The following CLU variants were observed in gnomAD, a reference collection of about 807,000 sequenced individuals.
CLU encodes clusterin, also known as aging-associated protein 4.
CLU carries 25 observed loss-of-function variants against 46.4 expected under a neutral mutation model. The ratio of observed to expected loss-of-function variants is 0.54; its 90% CI spans 0.39 to 0.75. CLU has a LOEUF of 0.75. Among genes scored for constraint, CLU ranks in the 30% least tolerant of loss-of-function variants. The pLI, the probability that CLU is intolerant of heterozygous loss-of-function variation, is 0.00. For synonymous variants in CLU, 235 were observed against 235.1 expected, an observed-to-expected ratio of 1.00 and a Z score of 0.00; for missense variants, 504 against 592.1, an observed-to-expected ratio of 0.85 and a Z score of 1.54.
chr8:27,606,155 G>A (rs1800818310), intron 4 of CLU, among the ~76,000 whole-genome samples, 199 bp downstream of exon 4: 1 of 152,234 alleles, frequency 6.6e-6, no homozygotes, highest in Admixed American at 6.5e-5. Context: ...TTTTCTAAGA[G>A]AAGGCAGATA....
chr8:27,606,473 CTG>C lies in CLU; in HGVS notation c.296_297del (p.Pro99ArgfsTer5). On this transcript the variant is annotated frameshift_variant, in exon 4 of 9. Coordinates refer to ENST00000316403, the MANE Select transcript of CLU (RefSeq NM_001831.4). LOFTEE classifies it high-confidence loss of function. ...GCCATCATGGTCTCATTGCACACTC[CTG>C]GGAGCTCCTTCAGCTTTGTCTCTGA... ...RESETKLKEL[P>X]GVCNETMMAL... 1 of 1,614,252 alleles carries C rather than the reference CTG, an allele frequency of 6.2e-7. No individual in the cohort carries two copies. Among genetic ancestry groups the C allele is most frequent in the Non-Finnish European group, 8.5e-7 (1 of 1,180,048 alleles).
In CLU at chr8:27,606,353, C is replaced by T; in HGVS notation, c.417+1G>A. On this transcript the variant is annotated splice_donor_variant, in intron 4 of 8. Coordinates refer to ENST00000316403, the MANE Select transcript of CLU (RefSeq NM_001831.4). LOFTEE classifies it high-confidence loss of function. Reference sequence around the variant, plus strand: ...TGGCCACTCATGTGTCCCCTTTTCACCTGGCGGCCAACCAGGCCTGAGCCA... The same window carrying T: ...TGGCCACTCATGTGTCCCCTTTTCATCTGGCGGCCAACCAGGCCTGAGCCA... The T allele has an allele frequency of 6.2e-7, 1 of 1,614,012 alleles. No homozygotes were observed. The highest frequency in any genetic ancestry group is 8.5e-7 in the Non-Finnish European group (1 of 1,180,036).
rs1800789879 is a variant in CLU at position 27,604,969 on chromosome 8, A to C, written c.784T>G (p.Phe262Val). The C allele has an allele frequency of 6.2e-7, 1 of 1,614,096 alleles. No individual in the cohort carries two copies. The highest frequency in any genetic ancestry group is 1.1e-5 in the South Asian group (1 of 91,072). ...GGGTGCTGGAAGGCCGGGCTATGGA[A>C]GTGGATGTCCATGGCCTGCTGAGCC... ...HEAQQAMDIHFHSPAFQHPPT... is the reference protein window; with the variant it reads ...HEAQQAMDIHVHSPAFQHPPT... The change falls in exon 5 of 9, where the codon TTC (phenylalanine) becomes GTC (valine). Residue 262 changes from phenylalanine (F) to valine (V), a missense_variant. By Grantham distance (50) the Phe-to-Val change is conservative. This residue lies in a region of CLU where 428 missense variants were observed against 484.0 expected (regional missense o/e 0.88). Coordinates refer to ENST00000316403, the MANE Select transcript of CLU (RefSeq NM_001831.4).
rs1563385774 is a variant in CLU at position 27,604,380 on chromosome 8, C to CGGT, written c.842_844dup (p.Asp281_Arg282insHis). The CGGT allele has an allele frequency of 6.2e-7, 1 of 1,614,170 alleles. No individual in the cohort carries two copies. Among genetic ancestry groups the CGGT allele is most frequent in the South Asian group, 1.1e-5 (1 of 91,086 alleles). On this transcript the variant is annotated inframe_insertion, in exon 6 of 9. Transcript: ENST00000316403. ...GTGGCGGATCTCCCGGCACACAGTC[C>CGGT]GGTCATCGTCGCCTTCTGGGGACAC...
chr8:27,602,052 C>G (rs972057415), intron 6 of CLU, among the ~76,000 whole-genome samples: 1 of 152,298 alleles, frequency 6.6e-6, no homozygotes, highest in Non-Finnish European at 1.5e-5. Context: ...GATTGCGCCA[C>G]TACGCTCCAG....
rs528029131 is a variant in CLU, at chr8:27,605,309, C to T, written c.444G>A (p.Ser148=). 5.6e-5 allele frequency: 90 copies of T among 1,614,086 alleles called. No homozygotes were observed. In the South Asian group the frequency reaches 8.6e-4, roughly 15 times the overall value. Reference sequence around the variant, plus strand: ...CACCATTCATCCAGAAGTAGAAGGGCGAGCTCTGGTTCAGGAACTCCTCAA... The same window carrying T: ...CACCATTCATCCAGAAGTAGAAGGGTGAGCTCTGGTTCAGGAACTCCTCAA... ...RQLEEFLNQS[S]PFYFWMNGDR... Residue 148 remains serine (S), a synonymous_variant, in exon 5 of 9, where the codon TCG becomes TCA. Coordinates refer to ENST00000316403, the MANE Select transcript of CLU (RefSeq NM_001831.4).
At chr8:27,612,719 C>G (rs1800950145) in intron 1 of CLU, among the ~76,000 whole-genome samples, 1 of 151,950 alleles carries the variant, frequency 6.6e-6, no homozygotes, top group African/African-American at 2.4e-5. Context: ...GACCTCCTTT[C>G]CTTTGCTCGG....
chr8:27,603,154 GA>G (rs1208931169), intron 6 of CLU, among the ~76,000 whole-genome samples: 12 of 152,186 alleles, frequency 7.9e-5, no homozygotes, highest in Non-Finnish European at 1.8e-4. Flanking sequence ...ATCAGCATAA[GA>G]GGTCCAATCT....
Position 27,606,489 on chromosome 8 carries a change from C to G in CLU, c.282G>C (p.Lys94Asn). ...TGCACACTCCTGGGAGCTCCTTCAG[C>G]TTTGTCTCTGATTCCCTGGTCTCAT... Reference protein sequence around the residue: ...ALNETRESETKLKELPGVCNE... With the variant: ...ALNETRESETNLKELPGVCNE... Residue 94 changes from lysine to asparagine, a missense_variant, in exon 4 of 9, where the codon AAG (lysine) becomes AAC (asparagine). Transcript: ENST00000316403. The G allele has an allele frequency of 6.2e-7, 1 of 1,614,250 alleles. No individual in the cohort carries two copies. The highest frequency in any genetic ancestry group is 8.5e-7 in the Non-Finnish European group (1 of 1,180,044).
intron 1 of CLU, 35 bp from the exon 2 acceptor site, chr8:27,610,635 A>G (rs1196199637): frequency 5.8e-6 from 9 of 1,545,194 alleles, no homozygotes. Context: ...GGGAACAGCT[A>G]GACAGCCTGC....
chr8:27,603,109 C>T (rs1367775775), intron 6 of CLU, among the ~76,000 whole-genome samples: 1 of 152,142 alleles, frequency 6.6e-6, no homozygotes, highest in Non-Finnish European at 1.5e-5. Flanking sequence ...AAGATTGGCG[C>T]CAGACCTGAG....
intron 1 of CLU, chr8:27,614,036 G>C (rs1800971440): frequency 6.6e-6 from 1 of 152,162 alleles, no homozygotes; most frequent in Non-Finnish European, 1.5e-5. Context: ...TGTAAAATGA[G>C]ACTGTGGAAT....
chr8:27,604,877 C>T lies in CLU; in HGVS notation c.829+47G>A, dbSNP rs763004065. 5 of 1,604,980 alleles carry T rather than the reference C, an allele frequency of 3.1e-6. No homozygotes were observed. In the South Asian group the frequency reaches 5.5e-5, roughly 18 times the overall value. ...GCTGAGCCCTCGGCATGGTTCTCAG[C>T]ATCTAACGAGTTGCTCAAAAGGCCA... On this transcript the variant is annotated intron_variant, in intron 5 of 8. Coordinates refer to ENST00000316403, the MANE Select transcript of CLU (RefSeq NM_001831.4).
At chr8:27,607,814 C>T (rs538267001) in intron 3 of CLU, among the ~76,000 whole-genome samples, 2 of 152,236 alleles carry the variant, frequency 1.3e-5, no homozygotes, top group South Asian at 4.1e-4. Flanking sequence ...TCCATCATCC[C>T]CTGTCCCCTG....
At chr8:27,598,297 G>C in intron 8 of CLU, 47 bp from the exon 9 acceptor site, 1 of 1,611,838 alleles carries the variant, frequency 6.2e-7, no homozygotes. Context: ...TCCTCCAAAG[G>C]AAAAATAAAA....
At chr8:27,605,391 T>C in intron 4 of CLU, 56 bp from the exon 5 acceptor site, 1 of 1,595,236 alleles carries the variant, frequency 6.3e-7, no homozygotes, top group South Asian at 1.1e-5. Flanking sequence ...CACGGCCTCC[T>C]GGCCTCCCAC....
Position 27,597,320 on chromosome 8 carries a change from A to T in CLU, c.*921T>A, listed in dbSNP as rs754823276. Reference sequence around the variant, plus strand: ...ACTGAGATTGGTACCACGGGTAGTCATGGCCACCTGCTGGCAGCGTAGGGT... The same window carrying T: ...ACTGAGATTGGTACCACGGGTAGTCTTGGCCACCTGCTGGCAGCGTAGGGT... On this transcript the variant is annotated 3_prime_UTR_variant, in exon 9 of 9. Transcript: ENST00000316403. The T allele has an allele frequency of 2.2e-6, 1 of 454,370 alleles. No homozygotes were observed. Among genetic ancestry groups the T allele is most frequent in the African/African-American group, 2.0e-5 (1 of 49,994 alleles). The allele number at this position is 454,370 out of a possible 1,614,324, so 28.1% of individuals were successfully genotyped here.
At position 27,605,024 on chromosome 8, in the gene CLU, C is replaced by T; in HGVS notation, c.729G>A (p.Met243Ile). The change falls in exon 5 of 9, where the codon ATG becomes ATA. Residue 243 changes from methionine to isoleucine, a missense_variant. Transcript: ENST00000316403. ...SPYEPLNFHA[M>I]FQPFLEMIHE... ...GTATCATCTCAAGGAAGGGCTGGAA[C>T]ATGGCGTGGAAGTTCAGGGGCTCGT... The T allele has an allele frequency of 1.2e-6, 2 of 1,614,070 alleles. No individual in the cohort carries two copies. The highest frequency in any genetic ancestry group is 8.5e-7 in the Non-Finnish European group (1 of 1,180,008).
intron 3 of CLU, chr8:27,608,679 G>A: frequency 1.7e-6 from 1 of 584,856 alleles, no homozygotes; most frequent in Non-Finnish European, 3.1e-6. Context: ...TCAGGGCTTA[G>A]AAACATCTAT....
Sources: gnomAD v4.1 joint callset for allele counts (sites outside exome capture counted in the v4.1 genomes callset) on GRCh38, gnomAD v4.1.1 for gene constraint, gnomAD v4.1.1 regional missense constraint, MANE v1.5 for transcripts, NCBI Gene and HGNC (gene_info 2026-07-23, HGNC 2026-07-21) for gene names.